CCDC171: variants seen among roughly 807,000 people sequenced by gnomAD.
The protein encoded by CCDC171 is coiled-coil domain-containing protein 171.
CCDC171 carries 177 observed loss-of-function variants against 168.2 expected under a neutral mutation model. That is an observed-to-expected ratio of 1.05 (90% CI 0.93 to 1.19). CCDC171 has a LOEUF of 1.19. CCDC171 is among the 50% of genes most tolerant of loss of function. The pLI is 0.00. For synonymous variants in CCDC171, 687 were observed against 540.8 expected, an observed-to-expected ratio of 1.27 and a Z score of -3.75; for missense variants, 1,991 against 1,539.0, an observed-to-expected ratio of 1.29 and a Z score of -4.91.
At chr9:15,739,049 T>C (rs1027897800) in intron 16 of CCDC171, among the ~76,000 whole-genome samples, 1 of 152,136 alleles carries the variant, frequency 6.6e-6, no homozygotes, top group Non-Finnish European at 1.5e-5. Context: ...CAATCTTGTA[T>C]TTGAGGGAGA....
chr9:15,959,016 C>G (rs751010939), intron 25 of CCDC171, among the ~76,000 whole-genome samples: 1 of 152,152 alleles, frequency 6.6e-6, no homozygotes, highest in African/African-American at 2.4e-5. Context: ...TCTTCACTCT[C>G]TGTGAGTTTA....
chr9:15,662,566 C>A (rs2048396447), intron 8 of CCDC171, among the ~76,000 whole-genome samples: 1 of 152,124 alleles, frequency 6.6e-6, no homozygotes, highest in African/African-American at 2.4e-5. Flanking sequence ...AGTCTATGTT[C>A]TCTTAAAACC....
At chr9:15,904,759 GCTGTATT>G (rs1822268657) in intron 24 of CCDC171, among the ~76,000 whole-genome samples, 1 of 152,010 alleles carries the variant, frequency 6.6e-6, no homozygotes, top group African/African-American at 2.4e-5. Flanking sequence ...CCATCAGTGT[GCTGTATT>G]CAGGAAAGCC....
intron 18 of CCDC171, among the ~76,000 whole-genome samples, chr9:15,774,769 C>T (rs1377631405): frequency 6.6e-6 from 1 of 152,228 alleles, no homozygotes; most frequent in Admixed American, 6.5e-5. Flanking sequence ...GAATACTACT[C>T]AGCCACAAAA....
At chr9:16,039,029 T>C (rs1466906351), upstream of CCDC171, among the ~76,000 whole-genome samples, 2 of 152,204 alleles carry the variant, frequency 1.3e-5, no homozygotes, top group Non-Finnish European at 2.9e-5. Flanking sequence ...TGTGAAATTA[T>C]AATCATAGTA....
At chr9:15,994,816 C>T (rs758703015) in intron 3 of CCDC171, among the ~76,000 whole-genome samples, 1 of 152,160 alleles carries the variant, frequency 6.6e-6, no homozygotes, top group Non-Finnish European at 1.5e-5. Context: ...CAACTGGAGC[C>T]TCATTATCTA....
At chr9:15,786,230 A>G (rs1410505166) in intron 21 of CCDC171, among the ~76,000 whole-genome samples, 1 of 152,136 alleles carries the variant, frequency 6.6e-6, no homozygotes, top group Non-Finnish European at 1.5e-5. Flanking sequence ...GAATGTACCT[A>G]TATACTGTTT....
At chr9:15,558,918 T>G in intron 1 of CCDC171, among the ~76,000 whole-genome samples, 1 of 152,108 alleles carries the variant, frequency 6.6e-6, no homozygotes. Flanking sequence ...GTCCCAGAGA[T>G]TCTGGTATGT....
At chr9:15,717,147 G>C (rs1355454768) in intron 11 of CCDC171, among the ~76,000 whole-genome samples, 1 of 152,200 alleles carries the variant, frequency 6.6e-6, no homozygotes, top group East Asian at 1.9e-4. Flanking sequence ...CCCAGCAGCG[G>C]CTATGTGGTG....
chr9:15,579,615 G>A (rs1376955693), intron 4 of CCDC171, among the ~76,000 whole-genome samples: 1 of 152,154 alleles, frequency 6.6e-6, no homozygotes, highest in Non-Finnish European at 1.5e-5. Flanking sequence ...CAAGCACCCA[G>A]ATGAGGGACC....
At chr9:15,559,263 G>A (rs2039072254) in intron 1 of CCDC171, among the ~76,000 whole-genome samples, 2 of 152,128 alleles carry the variant, frequency 1.3e-5, no homozygotes, top group African/African-American at 4.8e-5. Context: ...TTGGTGCAGA[G>A]CTGAGTTCAA....
intron 4 of CCDC171, among the ~76,000 whole-genome samples, chr9:15,584,539 T>A (rs2041400250): frequency 6.6e-6 from 1 of 152,186 alleles, no homozygotes; most frequent in African/African-American, 2.4e-5. Flanking sequence ...AGCCTGTTTG[T>A]TCAGTAGCAT....
intron 3 of CCDC171, among the ~76,000 whole-genome samples, chr9:15,577,775 C>T (rs1418851729): frequency 1.3e-5 from 2 of 152,202 alleles, no homozygotes; most frequent in East Asian, 3.9e-4. Context: ...AGAGCTAGAA[C>T]TGGACAAAGC....
chr9:16,027,607 C>T (rs1168848898), intron 6 of CCDC171, among the ~76,000 whole-genome samples: 1 of 152,160 alleles, frequency 6.6e-6, no homozygotes, highest in Non-Finnish European at 1.5e-5. Flanking sequence ...GTTTTCAGGA[C>T]TGAGTATTGC....
chr9:15,765,373 A>C (rs1296919260), intron 18 of CCDC171, among the ~76,000 whole-genome samples: 3 of 152,120 alleles, frequency 2.0e-5, no homozygotes, highest in Non-Finnish European at 4.4e-5. Context: ...AAGAAAAAAA[A>C]ATCTTGATAA....
chr9:16,068,389 A>G, the CCDC171 span, among the ~76,000 whole-genome samples: 1 of 152,104 alleles, frequency 6.6e-6, no homozygotes, highest in Non-Finnish European at 1.5e-5. Context: ...TGCCCAAGGT[A>G]ATTTACAGAT....
In CCDC171 at chr9:15,729,640, A is replaced by G; in HGVS notation, c.1891A>G (p.Lys631Glu). ...GCATCTAGAGTATATCTGTAAAAAC[A>G]AGTCTGACACGATGAGAGAGCTTCA... ...IRHLEYICKN[K>E]SDTMRELQQT... Residue 631 changes from lysine (K) to glutamate (E), a missense_variant, in exon 16 of 26, where the codon AAG (lysine) becomes GAG (glutamate). Transcript: ENST00000380701. 1 of 1,612,852 alleles carries G rather than the reference A, an allele frequency of 6.2e-7. No homozygotes were observed. The highest frequency in any genetic ancestry group is 8.5e-7 in the Non-Finnish European group (1 of 1,179,190).
intron 8 of CCDC171, among the ~76,000 whole-genome samples, chr9:15,660,900 A>G (rs1174550656): frequency 6.6e-6 from 1 of 152,208 alleles, no homozygotes; most frequent in South Asian, 2.1e-4. Flanking sequence ...TCTCCACTCC[A>G]CTTTCCGCAG....
At chr9:15,952,978 A>T (rs1160273766) in intron 25 of CCDC171, among the ~76,000 whole-genome samples, 1 of 152,040 alleles carries the variant, frequency 6.6e-6, no homozygotes, top group Non-Finnish European at 1.5e-5. Context: ...TGCTTTTCAT[A>T]TCATTTATTG....
Sources: gnomAD v4.1 joint callset for allele counts (sites outside exome capture counted in the v4.1 genomes callset) on GRCh38, gnomAD v4.1.1 for gene constraint, MANE v1.5 for transcripts, NCBI Gene and HGNC (gene_info 2026-07-23, HGNC 2026-07-21) for gene names.